The following EYS variants were observed in gnomAD, a reference collection of about 807,000 sequenced individuals.
EYS encodes the protein protein eyes shut homolog.
A neutral mutation model predicts 282.1 loss-of-function variants in EYS; 250 were observed. The observed-to-expected ratio is 0.89, with a 90% CI of 0.80 to 0.98. The LOEUF (loss-of-function observed/expected upper bound fraction) is 0.98. Ranked by LOEUF, EYS falls within the 50% of genes least tolerant of loss-of-function variation. The pLI is 0.00. For synonymous variants in EYS, 1,355 were observed against 1,282.9 expected (o/e 1.06, Z -1.20); for missense variants, 4,016 against 3,709.0 (o/e 1.08, Z -2.15).
At position 63,984,451 on chromosome 6, in the gene EYS, C is replaced by G. The variant is rs779378377; in HGVS notation, c.6987G>C (p.Lys2329Asn). The change falls in exon 35 of 43, where the codon AAG becomes AAC. Residue 2329 changes from lysine (K) to asparagine (N), a missense_variant. By Grantham distance (94) the Lys-to-Asn change is moderately conservative. Transcript: ENST00000503581. ...AAGGGACGTGGCAGTTCTCAATATT[C>G]TTTCCATGTCGTGCTTCATCGATGA... ...FFIIDEARHG[K>N]NIENCHVPWC... The G allele has an allele frequency of 6.5e-7, 1 of 1,549,642 alleles. No individual in the cohort carries two copies. Among genetic ancestry groups the G allele is most frequent in the Non-Finnish European group, 8.7e-7 (1 of 1,145,648 alleles).
chr6:64,621,659 A>C (rs1767450437), intron 23 of EYS, among the ~76,000 whole-genome samples: 1 of 152,190 alleles, frequency 6.6e-6, no homozygotes, highest in African/African-American at 2.4e-5. Context: ...GATATTATCT[A>C]TGTTTGTTTC....
At chr6:64,337,605 G>A (rs1250981974) in intron 29 of EYS, among the ~76,000 whole-genome samples, 2 of 151,920 alleles carry the variant, frequency 1.3e-5, no homozygotes, top group Non-Finnish European at 2.9e-5. Flanking sequence ...TAGAGAAAGA[G>A]GGAACCCTCC....
intron 29 of EYS, among the ~76,000 whole-genome samples, chr6:64,361,219 T>G (rs1232237364): frequency 3.3e-5 from 5 of 151,422 alleles, no homozygotes; most frequent in Non-Finnish European, 7.4e-5. Context: ...TGGTTTTTTT[T>G]TGTGCCTACT....
intron 33 of EYS, among the ~76,000 whole-genome samples, chr6:64,031,928 T>G (rs1022137435): frequency 1.3e-5 from 2 of 152,248 alleles, no homozygotes; most frequent in East Asian, 1.9e-4. Flanking sequence ...CAACCTGCTC[T>G]GGTCCCCTTC....
At chr6:64,003,055 C>G (rs555985918) in intron 33 of EYS, among the ~76,000 whole-genome samples, 1 of 152,006 alleles carries the variant, frequency 6.6e-6, no homozygotes, top group African/African-American at 2.4e-5. Context: ...TTGGAAGTAA[C>G]CTAAGTGTTC....
chr6:64,134,293 T>A (rs1017835688), intron 31 of EYS, among the ~76,000 whole-genome samples: 2 of 152,040 alleles, frequency 1.3e-5, no homozygotes, highest in Non-Finnish European at 2.9e-5. Context: ...CCTGCATTTC[T>A]TCATCTTCAG....
chr6:64,879,993 C>G (rs867129877), intron 19 of EYS, among the ~76,000 whole-genome samples: 8 of 151,976 alleles, frequency 5.3e-5, no homozygotes, highest in African/African-American at 1.9e-4. Flanking sequence ...TCTCCCACCT[C>G]CTCACTCCTG....
intron 22 of EYS, among the ~76,000 whole-genome samples, chr6:64,628,713 A>AC (rs1172534398): frequency 1.3e-5 from 2 of 152,196 alleles, no homozygotes; most frequent in Non-Finnish European, 2.9e-5. Flanking sequence ...CTGCGTTCTT[A>AC]CCTATGAACA....
At chr6:65,232,562 C>T (rs1321574073) in intron 12 of EYS, among the ~76,000 whole-genome samples, 1 of 152,026 alleles carries the variant, frequency 6.6e-6, no homozygotes, top group African/African-American at 2.4e-5. Flanking sequence ...ACAAAGATTG[C>T]ACCGAGTTCC....
chr6:65,182,678 A>G (rs919053927), intron 12 of EYS, among the ~76,000 whole-genome samples: 2 of 151,936 alleles, frequency 1.3e-5, no homozygotes, highest in Non-Finnish European at 2.9e-5. Flanking sequence ...TGTAGTAGAT[A>G]TATAATTTTT....
At chr6:65,290,828 T>A (rs1015627670) in intron 12 of EYS, among the ~76,000 whole-genome samples, 2 of 151,390 alleles carry the variant, frequency 1.3e-5, no homozygotes, top group African/African-American at 2.4e-5. Flanking sequence ...TATTTCTATT[T>A]AATGTGTTTT....
At chr6:63,978,231 C>A (rs1766933115) in intron 35 of EYS, among the ~76,000 whole-genome samples, 1 of 151,922 alleles carries the variant, frequency 6.6e-6, no homozygotes, top group Non-Finnish European at 1.5e-5. Context: ...ACTATGAAAT[C>A]ATTTATGCTT....
Position 64,653,560 on chromosome 6 carries a change from T to A in EYS, c.3444-27315A>T, listed in dbSNP as rs370485044. Among the ~76,000 whole-genome samples, 575 of 152,154 alleles carry A rather than the reference T, an allele frequency of 3.8e-3. 8 individuals carry two copies. Among genetic ancestry groups the A allele is most frequent in the African/African-American group, 0.013 (548 of 41,508 alleles). Reference sequence around the variant, plus strand: ...CTATATTTTTTGTGCTCATCTTAATTTTTAATTGTCTTTCTTTTCATTTTT... The same window carrying A: ...CTATATTTTTTGTGCTCATCTTAATATTTAATTGTCTTTCTTTTCATTTTT... On this transcript the variant is annotated intron_variant, in intron 22 of 42. Coordinates refer to ENST00000503581, the MANE Select transcript of EYS (RefSeq NM_001142800.2).
chr6:65,353,383 T>C (rs758388423), intron 9 of EYS, 75 bp downstream of exon 9: 38 of 1,275,012 alleles, frequency 3.0e-5, no homozygotes, highest in Non-Finnish European at 4.2e-5. Context: ...CTTTGTGTGT[T>C]TAGAAAATGA....
rs1769508156 is a variant in EYS at position 65,322,737 on chromosome 6, AG to A, written c.1766+12242del. Among the ~76,000 whole-genome samples the A allele has an allele frequency of 2.7e-5, 4 of 150,176 alleles. No individual in the cohort carries two copies. The South Asian group carries it at 8.5e-4, about 32-fold the overall frequency. ...TTGAATCCAGGAGGCAGAGGTTGCA[AG>A]TGAGCCAAGATTGTGCCACTGCACT... On this transcript the variant is annotated intron_variant, in intron 11 of 42. Transcript: ENST00000503581.
intron 10 of EYS, among the ~76,000 whole-genome samples, chr6:65,338,590 T>C (rs1006961359): frequency 6.6e-6 from 1 of 151,008 alleles, no homozygotes; most frequent in African/African-American, 2.4e-5. Context: ...ATATAATTAA[T>C]TATTAAACTT....
chr6:65,272,805 G>A (rs73741285), intron 12 of EYS, among the ~76,000 whole-genome samples: 1,669 of 152,150 alleles, frequency 0.011, 34 homozygotes, highest in African/African-American at 0.038. Context: ...ACATTAAAAA[G>A]TATAACATAT....
chr6:65,086,312 T>C (rs967085388), intron 12 of EYS, among the ~76,000 whole-genome samples: 1 of 151,402 alleles, frequency 6.6e-6, no homozygotes, highest in African/African-American at 2.4e-5. Flanking sequence ...TGAGACTCCA[T>C]CTCAAAAAAA....
chr6:65,259,444 A>G (rs572771528), intron 12 of EYS, among the ~76,000 whole-genome samples: 194 of 152,220 alleles, frequency 1.3e-3, no homozygotes, highest in Non-Finnish European at 2.1e-3. Context: ...GCACCACAGT[A>G]TAACATATCC....
Sources: allele counts gnomAD v4.1 joint callset (sites outside exome capture counted in the v4.1 genomes callset), GRCh38; gene constraint gnomAD v4.1.1; transcripts MANE v1.5; gene names NCBI Gene and HGNC (gene_info 2026-07-23, HGNC 2026-07-21).